The following ANXA10 variants were observed in gnomAD, a reference collection of about 807,000 sequenced individuals.
ANXA10 encodes the protein annexin A10, also known as annexin 14.
ANXA10 carries 49 observed loss-of-function variants against 53.5 expected under a neutral mutation model. That is an observed-to-expected ratio of 0.92 (90% confidence interval 0.73 to 1.16). ANXA10 has a LOEUF of 1.16. Among genes scored for constraint, ANXA10 ranks in the 50% most tolerant of loss-of-function variants. The probability of loss-of-function intolerance (pLI) is 0.00; values close to 1 mark genes in which losing one functional copy is unlikely to be tolerated. For synonymous variants in ANXA10, 131 were observed against 128.9 expected (o/e 1.02, Z -0.11); for missense variants, 393 against 394.4 (o/e 1.00, Z 0.03).
intron 1 of ANXA10, among the ~76,000 whole-genome samples, chr4:168,121,891 G>T (rs1477767420): frequency 6.6e-6 from 1 of 151,784 alleles, no homozygotes; most frequent in East Asian, 1.9e-4. Context: ...TCTCCCAGGC[G>T]GGAGTGCAGT....
chr4:168,139,272 C>G (rs925064787), intron 2 of ANXA10, among the ~76,000 whole-genome samples: 1 of 152,074 alleles, frequency 6.6e-6, no homozygotes, highest in African/African-American at 2.4e-5. Context: ...CCTTCAATGC[C>G]TAGTTTAAAG....
At chr4:168,101,794 A>G (rs2319704) in intron 1 of ANXA10, among the ~76,000 whole-genome samples, 79,385 of 151,880 alleles carry the variant, frequency 0.52, 21,432 homozygotes, top group Non-Finnish European at 0.6. Flanking sequence ...GTGTATGCAT[A>G]TATGTTTGCA....
Position 168,172,978 on chromosome 4 carries a change from C to T in ANXA10, c.481-4762C>T, listed in dbSNP as rs550993708. Reference sequence around the variant, plus strand: ...CTAATTTTTGTATTTTTAGTAGAGACGGGGCTTCACCATATTGGCCAGGCT... The same window carrying T: ...CTAATTTTTGTATTTTTAGTAGAGATGGGGCTTCACCATATTGGCCAGGCT... On this transcript the variant is annotated intron_variant, in intron 6 of 11. Coordinates refer to ENST00000359299, the MANE Select transcript of ANXA10 (RefSeq NM_007193.5). Among the ~76,000 whole-genome samples, 10 of 151,964 alleles carry T rather than the reference C, an allele frequency of 6.6e-5. No individual in the cohort carries two copies. In the East Asian group the frequency reaches 7.8e-4, roughly 12 times the overall value.
intron 4 of ANXA10, among the ~76,000 whole-genome samples, chr4:168,163,649 A>T (rs959520627): frequency 2.8e-5 from 4 of 145,222 alleles, no homozygotes; most frequent in Non-Finnish European, 5.9e-5. Flanking sequence ...AGGCTTTCCT[A>T]AAAAAGGTGT....
intron 2 of ANXA10, 74 bp downstream of exon 2, chr4:168,128,239 G>A: frequency 8.9e-7 from 1 of 1,122,290 alleles, no homozygotes; most frequent in Non-Finnish European, 1.3e-6. Context: ...CTATACTGTG[G>A]GTATAAAATA....
chr4:168,153,998 A>ACACG (rs1164140422), intron 3 of ANXA10, among the ~76,000 whole-genome samples: 2 of 151,348 alleles, frequency 1.3e-5, no homozygotes, highest in African/African-American at 4.8e-5. Context: ...ACACACACAC[A>ACACG]CACACGCACA....
chr4:168,173,137 G>A (rs953424669), intron 6 of ANXA10, among the ~76,000 whole-genome samples: 4 of 152,104 alleles, frequency 2.6e-5, no homozygotes, highest in African/African-American at 9.7e-5. Flanking sequence ...GAGAAGATGA[G>A]ATTTGAGCAA....
chr4:168,110,477 A>G lies in ANXA10; in HGVS notation c.19-17607A>G, dbSNP rs975574465. Among the ~76,000 whole-genome samples, 27 of 130,972 alleles carry G rather than the reference A, an allele frequency of 2.1e-4. 1 individual carries two copies. The highest frequency in any genetic ancestry group is 7.4e-4 in the African/African-American group (26 of 35,226). 85.9% of individuals were successfully genotyped at this position (130,972 alleles called of 152,430 possible). ...TTTTTTTTTGAGATTGGTACATCTT[A>G]TTTCATTGACTAGAATAGAAATGCT... On this transcript the variant is annotated intron_variant, in intron 1 of 11. Transcript: ENST00000359299.
chr4:168,116,566 A>G (rs1730896572), intron 1 of ANXA10, among the ~76,000 whole-genome samples: 1 of 151,630 alleles, frequency 6.6e-6, no homozygotes, highest in South Asian at 2.1e-4. Flanking sequence ...GATCTCCCCC[A>G]CCCCCCAAAA....
chr4:168,164,321 C>T, intron 5 of ANXA10, 33 bp downstream of exon 5: 1 of 1,458,674 alleles, frequency 6.9e-7, no homozygotes. Flanking sequence ...ATATATTTTA[C>T]ACATATAAGA....
Position 168,161,464 on chromosome 4 carries a change from C to T in ANXA10, c.196-1064C>T, listed in dbSNP as rs144270298. On this transcript the variant is annotated intron_variant, in intron 3 of 11. Transcript: ENST00000359299. ...ACCATGCTGTTTTGATTACTGTAGC[C>T]TTGTATTATAGTTTGCAGTTGGGTA... is the stretch of plus-strand genomic sequence containing the variant. 7.8e-3 allele frequency among the ~76,000 whole-genome samples: 1,179 copies of T among 152,120 alleles called. 13 individuals carry two copies. The highest frequency in any genetic ancestry group is 0.027 in the African/African-American group (1,122 of 41,476).
chr4:168,164,141 A>T, intron 4 of ANXA10, 57 bp from the exon 5 acceptor site: 1 of 1,290,296 alleles, frequency 7.8e-7, no homozygotes, highest in Non-Finnish European at 1.1e-6. Context: ...TACAAAAGGT[A>T]CACTATTACT....
At chr4:168,109,139 C>G (rs2149465881) in intron 1 of ANXA10, among the ~76,000 whole-genome samples, 1 of 152,308 alleles carries the variant, frequency 6.6e-6, no homozygotes, top group East Asian at 1.9e-4. Context: ...TACATGAACT[C>G]TTTGATGTTT....
At chr4:168,160,223 GCCC>G (rs1174450695) in intron 3 of ANXA10, among the ~76,000 whole-genome samples, 3 of 151,514 alleles carry the variant, frequency 2.0e-5, no homozygotes, top group Middle Eastern at 3.2e-3. Context: ...GCTTGCCCCC[GCCC>G]CCAACAGGCC....
chr4:168,161,293 C>T (rs1273961835), intron 3 of ANXA10, among the ~76,000 whole-genome samples: 1 of 152,072 alleles, frequency 6.6e-6, no homozygotes, highest in African/African-American at 2.4e-5. Context: ...GACACTTCTC[C>T]CAGCACCATT....
At chr4:168,156,064 CAT>C (rs1439329252) in intron 3 of ANXA10, among the ~76,000 whole-genome samples, 1 of 45,792 alleles carries the variant, frequency 2.2e-5, no homozygotes, top group Non-Finnish European at 3.4e-5. Flanking sequence ...TATTATATAT[CAT>C]ATATTATATA....
At chr4:168,095,634 G>A (rs1217629384) in intron 1 of ANXA10, among the ~76,000 whole-genome samples, 2 of 151,990 alleles carry the variant, frequency 1.3e-5, no homozygotes, top group South Asian at 4.2e-4. Context: ...TCTTTTGGAG[G>A]TACTAGATAT....
chr4:168,186,140 CTT>C (rs1195571752), intron 11 of ANXA10, among the ~76,000 whole-genome samples: 1 of 152,198 alleles, frequency 6.6e-6, no homozygotes, highest in Admixed American at 6.5e-5. Context: ...ATTAATGTAA[CTT>C]TGCTATGTAC....
intron 1 of ANXA10, among the ~76,000 whole-genome samples, chr4:168,111,250 G>A (rs1415280469): frequency 6.6e-6 from 1 of 152,152 alleles, no homozygotes; most frequent in East Asian, 1.9e-4. Flanking sequence ...ATTCAGGAGT[G>A]CATGCATTCC....
Sources: gnomAD v4.1 joint callset for allele counts (sites outside exome capture counted in the v4.1 genomes callset) on GRCh38, gnomAD v4.1.1 for gene constraint, MANE v1.5 for transcripts, NCBI Gene and HGNC (gene_info 2026-07-23, HGNC 2026-07-21) for gene names.